WDR43: variants seen among roughly 807,000 people sequenced by gnomAD.
WDR43 encodes WD repeat-containing protein 43.
Under a neutral mutation model 91.4 loss-of-function variants are expected in WDR43, and 13 were observed. The ratio of observed to expected loss-of-function variants is 0.14; its 90% CI spans 0.09 to 0.23. The LOEUF (loss-of-function observed/expected upper bound fraction) is 0.23. Among genes scored for constraint, WDR43 ranks in the 10% least tolerant of loss-of-function variants. The probability of loss-of-function intolerance (pLI) is 1.00; values close to 1 mark genes in which losing one functional copy is unlikely to be tolerated. For synonymous variants in WDR43, 331 were observed against 287.9 expected (o/e 1.15, Z -1.51); for missense variants, 780 against 809.4 (o/e 0.96, Z 0.44).
rs1279899066 is a variant in WDR43, at chr2:28,925,123, C to T, written c.1056C>T (p.Gly352=). 2 of 1,613,722 alleles carry T rather than the reference C, an allele frequency of 1.2e-6. No homozygotes were observed. The highest frequency in any genetic ancestry group is 1.7e-6 in the Non-Finnish European group (2 of 1,179,768). ...AAATGTCATTGTTGCTTGTATATGGCAGTTGGTTTCAGCCTACTATTGAGC... is the reference window on the plus strand; with the variant it reads ...AAATGTCATTGTTGCTTGTATATGGTAGTTGGTTTCAGCCTACTATTGAGC... The part of the protein sequence containing the change: ...SDKMSLLLVY[G]SWFQPTIERV... Residue 352 remains glycine, a synonymous_variant, in exon 8 of 18, where the codon GGC becomes GGT. Coordinates refer to ENST00000407426, the MANE Select transcript of WDR43 (RefSeq NM_015131.3).
At chr2:28,910,567 A>G (rs1670773571) in intron 3 of WDR43, among the ~76,000 whole-genome samples, 1 of 151,724 alleles carries the variant, frequency 6.6e-6, no homozygotes, top group Non-Finnish European at 1.5e-5. Flanking sequence ...TCTTATTGAT[A>G]TGAAGGAGCT....
chr2:28,936,496 T>C (rs1364967860), intron 12 of WDR43, among the ~76,000 whole-genome samples: 1 of 152,184 alleles, frequency 6.6e-6, no homozygotes, highest in Admixed American at 6.5e-5. Flanking sequence ...AACCTTGATT[T>C]TTTTCTTTGT....
chr2:28,924,886 A>AG (rs966816064), intron 7 of WDR43, 96 bp from the exon 8 acceptor site: 65 of 1,446,058 alleles, frequency 4.5e-5, no homozygotes, highest in Non-Finnish European at 5.4e-5. Context: ...TAGAGGCTAG[A>AG]GGGGGGTCAC....
At chr2:28,895,648 A>G (rs1405552266) in intron 1 of WDR43, among the ~76,000 whole-genome samples, 3 of 152,164 alleles carry the variant, frequency 2.0e-5, no homozygotes, top group African/African-American at 2.4e-5. Context: ...GATTTAGTGA[A>G]TGTTTTATGA....
At chr2:28,918,866 G>A (rs371230350) in intron 6 of WDR43, among the ~76,000 whole-genome samples, 2 of 152,124 alleles carry the variant, frequency 1.3e-5, no homozygotes, top group South Asian at 4.1e-4. Flanking sequence ...GCAAGTTAAG[G>A]ATATTCACTT....
chr2:28,935,058 G>T (rs190563176), intron 11 of WDR43, among the ~76,000 whole-genome samples: 2 of 152,082 alleles, frequency 1.3e-5, no homozygotes, highest in Non-Finnish European at 2.9e-5. Context: ...TTTGATTCAA[G>T]CTCTCATTAT....
intron 4 of WDR43, 58 bp downstream of exon 4, chr2:28,912,768 C>A: frequency 6.3e-7 from 1 of 1,590,718 alleles, no homozygotes; most frequent in Non-Finnish European, 8.6e-7. Context: ...CAGAGAAAGG[C>A]AGAAGTTTGA....
chr2:28,937,491 T>G (rs1671357118), intron 13 of WDR43, among the ~76,000 whole-genome samples: 2 of 152,166 alleles, frequency 1.3e-5, no homozygotes, highest in Admixed American at 1.3e-4. Flanking sequence ...ATTCATTAAT[T>G]ATGACTTTTT....
At chr2:28,924,475 G>A (rs1425808332) in intron 7 of WDR43, among the ~76,000 whole-genome samples, 1 of 152,156 alleles carries the variant, frequency 6.6e-6, no homozygotes, top group Non-Finnish European at 1.5e-5. Flanking sequence ...GACACAAATG[G>A]TATGGGAGAG....
chr2:28,902,089 A>G lies in WDR43; in HGVS notation c.328A>G (p.Ser110Gly). The G allele has an allele frequency of 6.2e-7, 1 of 1,601,976 alleles. No homozygotes were observed. Among genetic ancestry groups the G allele is most frequent in the Non-Finnish European group, 8.5e-7 (1 of 1,174,578 alleles). ...AGCAGTTGGTAGCATTTTATTATAC[A>G]GCACAGTAAAAGGAGAGTTACACAG... ...GTAVGSILLY[S>G]TVKGELHSKL... The change falls in exon 2 of 18, where the codon AGC (serine) becomes GGC (glycine). Residue 110 changes from serine to glycine, a missense_variant. Around this residue, in one of 4 missense-constraint regions of WDR43, gnomAD observed 174 missense variants for 207.3 expected, o/e 0.84. Transcript: ENST00000407426.
chr2:28,940,266 G>T (rs1286711373), intron 14 of WDR43, among the ~76,000 whole-genome samples: 1 of 151,336 alleles, frequency 6.6e-6, no homozygotes, highest in Non-Finnish European at 1.5e-5. Context: ...TTTTGCTCTT[G>T]TTGCCTAGGC....
At chr2:28,925,764 G>A (rs968466545) in intron 8 of WDR43, among the ~76,000 whole-genome samples, 3 of 152,204 alleles carry the variant, frequency 2.0e-5, no homozygotes, top group Middle Eastern at 3.4e-3. Flanking sequence ...AATATTACAT[G>A]CTCACACAAG....
In WDR43 at chr2:28,917,981, G is replaced by C. The variant is rs1382021643; in HGVS notation, c.835G>C (p.Glu279Gln). 7 of 1,574,978 alleles carry C rather than the reference G, an allele frequency of 4.4e-6. No homozygotes were observed. In the African/African-American group the frequency reaches 8.1e-5, roughly 18 times the overall value. The change falls in exon 6 of 18, where the codon GAA becomes CAA. Residue 279 changes from glutamate (E) to glutamine (Q), a missense_variant. Physicochemically the swap from Glu to Gln is conservative, Grantham distance 29. This residue lies in a region of WDR43 where 426 missense variants were observed against 467.8 expected (regional missense o/e 0.91). Coordinates refer to ENST00000407426, the MANE Select transcript of WDR43 (RefSeq NM_015131.3). The stretch of plus-strand genomic sequence containing the variant: ...TGTCTATATTGACTTAACTTTGTCA[G>C]AAAACAAAGAAGAGGTAAATGGCTC... ...EPVYIDLTLS[E>Q]NKEEPVKLAV...
At chr2:28,922,816 T>TTTGTG in intron 6 of WDR43, 103 bp from the exon 7 acceptor site, 1 of 447,232 alleles carries the variant, frequency 2.2e-6, no homozygotes, top group Non-Finnish European at 3.8e-6. Context: ...TTTTTTTTTC[T>TTTGTG]GGTTGTGTAA....
chr2:28,938,335 C>A (rs1015202903), intron 14 of WDR43, among the ~76,000 whole-genome samples: 1 of 152,166 alleles, frequency 6.6e-6, no homozygotes, highest in African/African-American at 2.4e-5. Flanking sequence ...TGTTTTTATA[C>A]ATGCTAATGT....
chr2:28,894,967 C>A, intron 1 of WDR43, 44 bp downstream of exon 1: 1 of 1,466,296 alleles, frequency 6.8e-7, no homozygotes, highest in Non-Finnish European at 9.0e-7. Flanking sequence ...TTCCCGGGCT[C>A]GGCTTCGGGC....
Position 28,938,814 on chromosome 2 carries a change from C to T in WDR43, c.1620+820C>T, listed in dbSNP as rs146716347. Among the ~76,000 whole-genome samples, 95 of 152,290 alleles carry T rather than the reference C, an allele frequency of 6.2e-4. 1 individual carries two copies. The highest frequency in any genetic ancestry group is 6.8e-3 in the Middle Eastern group (2 of 294). ...GTTCTTTGTGTGTTTGGGGAGAACT[C>T]GCTAAGATGCTGGAATGGGGTTGAG... On this transcript the variant is annotated intron_variant, in intron 14 of 17. Transcript: ENST00000407426.
chr2:28,908,407 G>A (rs1469254459), intron 3 of WDR43, among the ~76,000 whole-genome samples: 1 of 152,206 alleles, frequency 6.6e-6, no homozygotes, highest in Non-Finnish European at 1.5e-5. Context: ...ACTTGTAGCA[G>A]ACACAGTAGT....
At chr2:28,895,026 G>C in intron 1 of WDR43, 103 bp downstream of exon 1, 17 of 1,221,174 alleles carry the variant, frequency 1.4e-5, no homozygotes, top group Non-Finnish European at 1.8e-5. Flanking sequence ...GCTCTCAGCG[G>C]CCCGGGCCAG....
Sources: gnomAD v4.1 joint callset for allele counts (sites outside exome capture counted in the v4.1 genomes callset) on GRCh38, gnomAD v4.1.1 for gene constraint, gnomAD v4.1.1 regional missense constraint, MANE v1.5 for transcripts, NCBI Gene and HGNC (gene_info 2026-07-23, HGNC 2026-07-21) for gene names.